The following ANAPC1 variants were observed in gnomAD, a reference collection of about 807,000 sequenced individuals.
ANAPC1 encodes anaphase-promoting complex subunit 1.
ANAPC1 carries 36 observed loss-of-function variants against 208.0 expected under a neutral mutation model. That is an observed-to-expected ratio of 0.17 (90% CI 0.13 to 0.23). ANAPC1 has a LOEUF of 0.23. ANAPC1 is among the 10% of genes least tolerant of loss of function. The pLI is 1.00. For synonymous variants in ANAPC1, 378 were observed against 695.2 expected, an observed-to-expected ratio of 0.54 and a Z score of 7.18; for missense variants, 942 against 2,011.6, an observed-to-expected ratio of 0.47 and a Z score of 10.17.
At chr2:111,781,585 A>G (rs1309624570) in intron 43 of ANAPC1, among the ~76,000 whole-genome samples, 1 of 152,288 alleles carries the variant, frequency 6.6e-6, no homozygotes, top group African/African-American at 2.4e-5. Context: ...GCTGCCACTC[A>G]TCCAGTCCGC....
chr2:111,863,430 T>C (rs1682194453), intron 9 of ANAPC1, among the ~76,000 whole-genome samples: 2 of 147,800 alleles, frequency 1.4e-5, no homozygotes, highest in South Asian at 4.2e-4. Flanking sequence ...GAGAATGGCA[T>C]GAACCCGGGA....
At position 111,878,934 on chromosome 2, in the gene ANAPC1, C is replaced by T. The variant is rs1665002641; in HGVS notation, c.251G>A (p.Gly84Glu). 3 of 1,590,048 alleles carry T rather than the reference C, an allele frequency of 1.9e-6. No homozygotes were observed. Among genetic ancestry groups the T allele is most frequent in the Non-Finnish European group, 2.6e-6 (3 of 1,173,100 alleles). The change falls in exon 3 of 48, where the codon GGA becomes GAA. Residue 84 changes from glycine to glutamate, a missense_variant. Coordinates refer to ENST00000341068, the MANE Select transcript of ANAPC1 (RefSeq NM_022662.4). ...WQLRKGVSEI[G>E]EDVDYDEELY... ...TTCCTCATCATAGTCCACATCTTCT[C>T]CAATTTCACTTACTCCTTTCCTTAA...
At position 111,867,999 on chromosome 2, in the gene ANAPC1, A is replaced by C. The variant is rs745577295; in HGVS notation, c.685+24T>G. On this transcript the variant is annotated intron_variant, in intron 7 of 47. Coordinates refer to ENST00000341068, the MANE Select transcript of ANAPC1 (RefSeq NM_022662.4). The stretch of plus-strand genomic sequence containing the variant: ...AAGTCAAAAAAAAAAGAGCTTATCT[A>C]AAAGAATATAGAAATACACTTACTT... 3 of 1,525,982 alleles carry C rather than the reference A, an allele frequency of 2.0e-6. No homozygotes were observed. The East Asian group carries it at 6.9e-5, about 35-fold the overall frequency. The allele number at this position is 1,525,982 out of a possible 1,614,324, so 94.5% of individuals were successfully genotyped here.
At chr2:111,851,758 C>A (rs866202427) in intron 13 of ANAPC1, among the ~76,000 whole-genome samples, 8 of 150,538 alleles carry the variant, frequency 5.3e-5, no homozygotes, top group Middle Eastern at 3.4e-3. Context: ...TGCAGTGAGC[C>A]GAGATCGCGC....
At chr2:111,829,072 G>C (rs183507838) in intron 21 of ANAPC1, among the ~76,000 whole-genome samples, 1 of 152,224 alleles carries the variant, frequency 6.6e-6, no homozygotes, top group Admixed American at 6.5e-5. Flanking sequence ...AAATTAGCCA[G>C]ACTTGGTGAC....
intron 47 of ANAPC1, among the ~76,000 whole-genome samples, chr2:111,770,677 TAA>T (rs1379199614): frequency 7.1e-6 from 1 of 139,930 alleles, no homozygotes; most frequent in Non-Finnish European, 1.5e-5. Flanking sequence ...TTCCAGCAGA[TAA>T]GTGTCTTCCA....
In ANAPC1 at chr2:111,862,373, A is replaced by T; in HGVS notation, c.1262+16T>A. 1.4e-6 allele frequency: 2 copies of T among 1,466,238 alleles called. No homozygotes were observed. Among genetic ancestry groups the T allele is most frequent in the South Asian group, 1.4e-5 (1 of 70,578 alleles). 90.8% of individuals were successfully genotyped at this position (1,466,238 alleles called of 1,614,324 possible). A position where few individuals can be genotyped will look rare whatever the true frequency, so the allele number is the denominator to read the frequency against. On this transcript the variant is annotated intron_variant, in intron 10 of 47. Transcript: ENST00000341068. ...AGCAACATTTTTCTTTGAATATAAT[A>T]ATATATATAACAAACCTTATATTAG...
intron 14 of ANAPC1, among the ~76,000 whole-genome samples, chr2:111,849,623 C>T (rs1418436027): frequency 2.6e-5 from 4 of 152,186 alleles, no homozygotes; most frequent in Non-Finnish European, 5.9e-5. Context: ...TTCGGAGCCT[C>T]GTTCCACATC....
chr2:111,787,603 C>T (rs1677633553), intron 39 of ANAPC1, among the ~76,000 whole-genome samples: 3 of 152,142 alleles, frequency 2.0e-5, no homozygotes, highest in East Asian at 1.9e-4. Context: ...TTATTCTCTG[C>T]CCCCATATGC....
intron 30 of ANAPC1, among the ~76,000 whole-genome samples, chr2:111,804,494 T>C (rs1403054382): frequency 1.8e-5 from 2 of 112,578 alleles, no homozygotes; most frequent in Non-Finnish European, 3.8e-5. Flanking sequence ...CAATTCCCTG[T>C]GTGATTCTTT....
intron 24 of ANAPC1, among the ~76,000 whole-genome samples, chr2:111,823,831 G>C (rs1407321960): frequency 1.3e-5 from 2 of 151,252 alleles, no homozygotes; most frequent in Admixed American, 1.3e-4. Context: ...TGTGACAGGA[G>C]GGGACCATCC....
Position 111,877,690 on chromosome 2 carries a change from G to A in ANAPC1, c.375+1120C>T, listed in dbSNP as rs573377564. Among the ~76,000 whole-genome samples, 267 of 152,082 alleles carry A rather than the reference G, an allele frequency of 1.8e-3. 2 individuals are homozygous for A. Among genetic ancestry groups the A allele is most frequent in the Admixed American group, 4.3e-3 (65 of 15,268 alleles). On this transcript the variant is annotated intron_variant, in intron 3 of 47. Transcript: ENST00000341068. ...TCCCAGCTACTCGGGAGGGTGAGGC[G>A]GGAGAATGGCATGAACCTGGGAGGC...
At chr2:111,859,169 T>A (rs1681913106) in intron 10 of ANAPC1, among the ~76,000 whole-genome samples, 2 of 152,118 alleles carry the variant, frequency 1.3e-5, no homozygotes, top group Admixed American at 6.6e-5. Flanking sequence ...TATCTCTAAT[T>A]CCCAAACCCT....
chr2:111,797,592 T>C (rs2104547174), intron 34 of ANAPC1, among the ~76,000 whole-genome samples: 1 of 152,102 alleles, frequency 6.6e-6, no homozygotes. Flanking sequence ...TTCTACTTCC[T>C]CAAATAATAG....
intron 46 of ANAPC1, among the ~76,000 whole-genome samples, chr2:111,775,124 G>C (rs1453506490): frequency 6.6e-6 from 1 of 152,080 alleles, no homozygotes; most frequent in Admixed American, 6.6e-5. Flanking sequence ...AAATTAGCTG[G>C]GTGTGGTGGC....
At chr2:111,818,426 ATT>A (rs1330845169) in intron 27 of ANAPC1, among the ~76,000 whole-genome samples, 1 of 151,994 alleles carries the variant, frequency 6.6e-6, no homozygotes, top group African/African-American at 2.4e-5. Context: ...GCAAGCGACC[ATT>A]GTTTCTCTTT....
At chr2:111,821,515 A>G (rs1369446390) in intron 25 of ANAPC1, 62 bp from the exon 26 acceptor site, 20 of 1,431,262 alleles carry the variant, frequency 1.4e-5, no homozygotes, top group African/African-American at 4.2e-5. Flanking sequence ...CTTGCTGAAC[A>G]TGAGGATATA....
In ANAPC1 at chr2:111,873,308, C is replaced by G; in HGVS notation, c.528G>C (p.Gln176His). The G allele has an allele frequency of 6.3e-7, 1 of 1,596,606 alleles. No homozygotes were observed. The highest frequency in any genetic ancestry group is 8.5e-7 in the Non-Finnish European group (1 of 1,173,004). ...GKDYIASLPFQVANVWPTKYG... is the reference protein window; with the variant it reads ...GKDYIASLPFHVANVWPTKYG... ...CCCAAAATTTGAAACACTTGTTTAC[C>G]TGAAATGGTAATGAAGCTATGTAAT... Residue 176 changes from glutamine (Q) to histidine (H), a missense_variant and splice_region_variant, in exon 5 of 48, where the codon CAG becomes CAC. Physicochemically the swap from Gln to His is conservative, Grantham distance 24. Transcript: ENST00000341068.
intron 14 of ANAPC1, among the ~76,000 whole-genome samples, chr2:111,849,190 A>G (rs1681256886): frequency 6.6e-6 from 1 of 152,274 alleles, no homozygotes; most frequent in Non-Finnish European, 1.5e-5. Flanking sequence ...TAAGTCTACT[A>G]GCAAAATCTT....
Sources: gnomAD v4.1 joint callset for allele counts (sites outside exome capture counted in the v4.1 genomes callset) on GRCh38, gnomAD v4.1.1 for gene constraint, MANE v1.5 for transcripts, NCBI Gene and HGNC (gene_info 2026-07-23, HGNC 2026-07-21) for gene names.